Variants in ADCY8 observed in about 807,000 individuals in gnomAD.
ADCY8 encodes adenylate cyclase 8, also known as adenylate cyclase type 8.
In ADCY8, 51 loss-of-function variants were observed where a neutral mutation model predicts 119.7. The ratio of observed to expected loss-of-function variants is 0.43; its 90% confidence interval spans 0.34 to 0.54. The LOEUF (loss-of-function observed/expected upper bound fraction) is 0.54, where lower values mean the gene tolerates loss of function less well. Ranked by LOEUF, ADCY8 falls within the 20% of genes least tolerant of loss-of-function variation. ADCY8 has a pLI of 0.03. For synonymous variants in ADCY8, 665 were observed against 651.0 expected, an observed-to-expected ratio of 1.02 and a Z score of -0.33; for missense variants, 1,383 against 1,598.8, an observed-to-expected ratio of 0.87 and a Z score of 2.30.
intron 3 of ADCY8, 35 bp from the exon 4 acceptor site, chr8:130,943,497 G>GGGGGGGGGGCCC: frequency 6.1e-6 from 3 of 491,338 alleles, no homozygotes; most frequent in East Asian, 5.4e-5. Flanking sequence ...GTGGGGGGAG[G>GGGGGGGGGGCCC]AAGTATATTA....
chr8:130,785,400 G>A lies in ADCY8; in HGVS notation c.3136C>T (p.Leu1046=), dbSNP rs912092510. The A allele has an allele frequency of 1.2e-6, 2 of 1,607,564 alleles. No individual in the cohort carries two copies. Among genetic ancestry groups the A allele is most frequent in the Admixed American group, 1.7e-5 (1 of 59,282 alleles). Residue 1046 remains leucine, a synonymous_variant, in exon 16 of 18, where the codon CTG becomes TTG. Transcript: ENST00000286355. ...IGSTYMAVSG[L]SPEKQQCEDK... ...TCCTTTACCTGTTTTTCAGGTGACAGGCCTGACACGGCCATGTAGGTGCTG... is the reference window on the plus strand; with the variant it reads ...TCCTTTACCTGTTTTTCAGGTGACAAGCCTGACACGGCCATGTAGGTGCTG...
intron 7 of ADCY8, among the ~76,000 whole-genome samples, chr8:130,886,968 A>G (rs1437414255): frequency 1.4e-5 from 2 of 139,018 alleles, no homozygotes; most frequent in East Asian, 4.8e-4. Flanking sequence ...CCATTATGTA[A>G]TAGAAGAAAG....
At chr8:130,977,160 C>T (rs1295985175) in intron 2 of ADCY8, among the ~76,000 whole-genome samples, 1 of 152,164 alleles carries the variant, frequency 6.6e-6, no homozygotes, top group Non-Finnish European at 1.5e-5. Context: ...CGGGTGTGAG[C>T]GCATGGTGTT....
chr8:131,025,453 C>T (rs1036898927), intron 1 of ADCY8, among the ~76,000 whole-genome samples: 2 of 152,114 alleles, frequency 1.3e-5, no homozygotes, highest in Non-Finnish European at 2.9e-5. Context: ...AACAGCAATA[C>T]TGATGCGAAT....
At chr8:130,812,821 T>G (rs936155388) in intron 14 of ADCY8, among the ~76,000 whole-genome samples, 1 of 152,234 alleles carries the variant, frequency 6.6e-6, no homozygotes, top group Non-Finnish European at 1.5e-5. Flanking sequence ...TGTATAGATA[T>G]TGATATATAA....
intron 2 of ADCY8, among the ~76,000 whole-genome samples, chr8:130,982,455 A>G (rs111511207): frequency 0.012 from 1,835 of 152,302 alleles, 46 homozygotes; most frequent in African/African-American, 0.042. Flanking sequence ...CATTTGTAGA[A>G]TTCTTTACAG....
intron 1 of ADCY8, among the ~76,000 whole-genome samples, chr8:131,035,213 G>T (rs1047460875): frequency 2.6e-5 from 4 of 152,056 alleles, no homozygotes; most frequent in Non-Finnish European, 5.9e-5. Flanking sequence ...CTTGGATTGG[G>T]TGCGGTTTCA....
intron 1 of ADCY8, among the ~76,000 whole-genome samples, chr8:131,034,107 T>A (rs1824076570): frequency 6.6e-6 from 1 of 152,118 alleles, no homozygotes; most frequent in Admixed American, 6.5e-5. Context: ...TTAATGGATA[T>A]TTATGTCTCT....
At chr8:130,924,937 G>A (rs1020487715) in intron 5 of ADCY8, among the ~76,000 whole-genome samples, 2 of 151,944 alleles carry the variant, frequency 1.3e-5, no homozygotes, top group Non-Finnish European at 2.9e-5. Flanking sequence ...GTCCGGGCAC[G>A]GTGGCTCACA....
At chr8:130,813,782 C>T (rs1359366926) in intron 14 of ADCY8, among the ~76,000 whole-genome samples, 5 of 152,070 alleles carry the variant, frequency 3.3e-5, no homozygotes, top group Non-Finnish European at 7.4e-5. Flanking sequence ...TACATACGTA[C>T]ATACACATAC....
At chr8:130,826,703 A>G (rs1317748245) in intron 12 of ADCY8, among the ~76,000 whole-genome samples, 1 of 145,202 alleles carries the variant, frequency 6.9e-6, no homozygotes, top group Non-Finnish European at 1.5e-5. Context: ...GCCCCTACAC[A>G]TGCTGTTAGC....
At chr8:130,791,532 GGC>G (rs1815425802) in intron 15 of ADCY8, among the ~76,000 whole-genome samples, 1 of 152,236 alleles carries the variant, frequency 6.6e-6, no homozygotes, top group Admixed American at 6.5e-5. Context: ...TATGCCCAGG[GGC>G]TGTGGCATAG....
At chr8:130,946,393 CTT>C (rs1303261298) in intron 3 of ADCY8, among the ~76,000 whole-genome samples, 1 of 152,164 alleles carries the variant, frequency 6.6e-6, no homozygotes, top group East Asian at 1.9e-4. Flanking sequence ...GCACCTGTAT[CTT>C]TGTACATGCT....
intron 8 of ADCY8, among the ~76,000 whole-genome samples, chr8:130,870,441 A>G (rs1178152357): frequency 2.0e-5 from 3 of 152,164 alleles, no homozygotes; most frequent in Admixed American, 6.5e-5. Flanking sequence ...TCCTTTTCAT[A>G]ACATTCTTGA....
At chr8:131,022,724 T>C (rs59640694) in intron 1 of ADCY8, among the ~76,000 whole-genome samples, 1,750 of 152,268 alleles carry the variant, frequency 0.011, 47 homozygotes, top group African/African-American at 0.04. Context: ...ATAAAACCCA[T>C]TGCAGCTCTC....
chr8:130,816,427 C>CTTTTTTTTTTTTT (rs59803292), intron 13 of ADCY8, among the ~76,000 whole-genome samples: 2 of 121,194 alleles, frequency 1.7e-5, no homozygotes, highest in Admixed American at 1.0e-4. Flanking sequence ...ATTTTTTTTT[C>CTTTTTTTTTTTTT]TTTTTTTTTT....
At chr8:130,886,625 T>TC (rs1818994503) in intron 7 of ADCY8, among the ~76,000 whole-genome samples, 1 of 152,144 alleles carries the variant, frequency 6.6e-6, no homozygotes, top group Admixed American at 6.5e-5. Flanking sequence ...AGTCCAGCTG[T>TC]CCTCGTCTGA....
intron 11 of ADCY8, among the ~76,000 whole-genome samples, chr8:130,840,757 C>A (rs1186664064): frequency 2.6e-5 from 4 of 152,060 alleles, no homozygotes; most frequent in African/African-American, 9.7e-5. Flanking sequence ...CTCTGACTCC[C>A]ATATAGTAAT....
intron 14 of ADCY8, among the ~76,000 whole-genome samples, chr8:130,803,272 C>T (rs1815839122): frequency 6.6e-6 from 1 of 152,210 alleles, no homozygotes; most frequent in Non-Finnish European, 1.5e-5. Context: ...CATTTAGAGA[C>T]CACGACTTCC....
Sources: allele counts gnomAD v4.1 joint callset (sites outside exome capture counted in the v4.1 genomes callset), GRCh38; gene constraint gnomAD v4.1.1; transcripts MANE v1.5; gene names NCBI Gene and HGNC (gene_info 2026-07-23, HGNC 2026-07-21).